The following TCERG1 variants were observed in gnomAD, a reference collection of about 807,000 sequenced individuals.
TCERG1 encodes transcription elongation regulator 1, also known as TATA box binding protein (TBP)-associated factor, RNA polymerase II, S, 150kD.
A neutral mutation model predicts 144.7 loss-of-function variants in TCERG1; 37 were observed. That is an observed-to-expected ratio of 0.26 (90% CI 0.20 to 0.34). The LOEUF (loss-of-function observed/expected upper bound fraction) is 0.34, where lower values mean the gene tolerates loss of function less well. Among genes scored for constraint, TCERG1 ranks in the 10% least tolerant of loss-of-function variants. The probability of loss-of-function intolerance (pLI) is 1.00; values close to 1 mark genes in which losing one functional copy is unlikely to be tolerated. For synonymous variants in TCERG1, 492 were observed against 458.2 expected (o/e 1.07, Z -0.94); for missense variants, 1,027 against 1,380.7 (o/e 0.74, Z 4.06).
At chr5:146,480,147 T>G (rs1228180918) in intron 12 of TCERG1, 53 bp downstream of exon 12, 1 of 1,398,962 alleles carries the variant, frequency 7.1e-7, no homozygotes, top group African/African-American at 1.4e-5. Context: ...TAAAAGTCGA[T>G]TTGGTAATAA....
chr5:146,466,684 A>G (rs117087044), intron 5 of TCERG1, among the ~76,000 whole-genome samples: 1 of 152,338 alleles, frequency 6.6e-6, no homozygotes, highest in East Asian at 1.9e-4. Flanking sequence ...ACTTCAGTGT[A>G]TCTTTTTAGC....
chr5:146,509,738 T>C (rs1768312210), intron 22 of TCERG1, among the ~76,000 whole-genome samples: 1 of 152,200 alleles, frequency 6.6e-6, no homozygotes, highest in Non-Finnish European at 1.5e-5. Context: ...TTGTAAATTA[T>C]GAAATCAGAG....
intron 1 of TCERG1, among the ~76,000 whole-genome samples, chr5:146,449,541 A>G (rs1762177648): frequency 6.6e-6 from 1 of 152,196 alleles, no homozygotes; most frequent in Non-Finnish European, 1.5e-5. Context: ...ATTTGCCCCC[A>G]TATATCGGTA....
chr5:146,459,277 A>G lies in TCERG1; in HGVS notation c.832A>G (p.Thr278Ala). The G allele has an allele frequency of 6.2e-7, 1 of 1,613,976 alleles. No individual in the cohort carries two copies. Among genetic ancestry groups the G allele is most frequent in the East Asian group, 2.2e-5 (1 of 44,878 alleles). ...PAVSTSTSSS[T>A]PSSTTSTTTT... ...AGTATCCACTTCAACATCATCATCCACCCCTTCCTCTACCACTTCTACCAC... is the reference window on the plus strand; with the variant it reads ...AGTATCCACTTCAACATCATCATCCGCCCCTTCCTCTACCACTTCTACCAC... Residue 278 changes from threonine to alanine, a missense_variant, in exon 4 of 23, where the codon ACC becomes GCC. Thr to Ala is a moderately conservative substitution (Grantham distance 58). This residue lies in a region of TCERG1 where 187 missense variants were observed against 169.1 expected (regional missense o/e 1.11). Transcript: ENST00000679501.
rs368473803 is a variant in TCERG1, at chr5:146,483,606, C to T, written c.2140C>T (p.Leu714Phe). 6.8e-6 allele frequency: 11 copies of T among 1,611,834 alleles called. No individual in the cohort carries two copies. The highest frequency in any genetic ancestry group is 9.3e-6 in the Non-Finnish European group (11 of 1,178,816). The change falls in exon 15 of 23, where the codon CTC becomes TTC. Residue 714 changes from leucine (L) to phenylalanine (F), a missense_variant. By Grantham distance (22) the Leu-to-Phe change is conservative. Coordinates refer to ENST00000679501, the MANE Select transcript of TCERG1 (RefSeq NM_001382548.1). ...KIVFDPRYLL[L>F]NPKERKQVFD... The stretch of plus-strand genomic sequence containing the variant: ...AGTTTTTGATCCCCGGTACTTACTT[C>T]TCAATCCTAAAGAGAGAAAACAGGT...
chr5:146,463,563 A>G lies in TCERG1; in HGVS notation c.905A>G (p.Gln302Arg). 6.2e-7 allele frequency: 1 copy of G among 1,614,218 alleles called. No homozygotes were observed. Among genetic ancestry groups the G allele is most frequent in the Non-Finnish European group, 8.5e-7 (1 of 1,180,030 alleles). Reference protein sequence around the residue: ...VAQTVSTPTTQDQTPSSAVSV... With the variant: ...VAQTVSTPTTRDQTPSSAVSV... ...TATCTTTTATCAGCACCCACAACAC[A>G]AGATCAGACCCCAAGTTCTGCTGTT... Residue 302 changes from glutamine to arginine, a missense_variant, in exon 5 of 23, where the codon CAA (glutamine) becomes CGA (arginine). Gln to Arg is a conservative substitution (Grantham distance 43, BLOSUM62 1). Around this residue, in one of 6 missense-constraint regions of TCERG1, gnomAD observed 187 missense variants for 169.1 expected, o/e 1.11. Transcript: ENST00000679501.
intron 1 of TCERG1, among the ~76,000 whole-genome samples, chr5:146,450,354 C>A (rs1407036606): frequency 1.3e-5 from 2 of 152,094 alleles, no homozygotes; most frequent in East Asian, 1.9e-4. Context: ...AGAACAGGTG[C>A]AGAGGCTTCA....
At chr5:146,456,556 T>C (rs1762853942) in intron 2 of TCERG1, among the ~76,000 whole-genome samples, 1 of 152,180 alleles carries the variant, frequency 6.6e-6, no homozygotes, top group East Asian at 1.9e-4. Context: ...GTGCTGACGC[T>C]TGAAAGATAC....
intron 6 of TCERG1, 70 bp downstream of exon 6, chr5:146,468,473 CT>C: frequency 2.1e-6 from 3 of 1,452,120 alleles, no homozygotes; most frequent in Non-Finnish European, 2.8e-6. Context: ...GTTGTTTATC[CT>C]TTTATTTATT....
chr5:146,462,745 T>C (rs944576607), intron 4 of TCERG1, among the ~76,000 whole-genome samples: 3 of 152,198 alleles, frequency 2.0e-5, no homozygotes, highest in African/African-American at 7.2e-5. Flanking sequence ...TTCCTATGCA[T>C]CTGTGAGGTT....
chr5:146,510,651 A>G lies in TCERG1; in HGVS notation c.*9A>G. The G allele has an allele frequency of 6.2e-7, 1 of 1,609,812 alleles. No individual in the cohort carries two copies. The highest frequency in any genetic ancestry group is 1.1e-5 in the South Asian group (1 of 90,570). Reference sequence around the variant, plus strand: ...GACGATCAACAAAATAATTCTAAATACTCTTCCATAGGGGCATCTATTCAA... The same window carrying G: ...GACGATCAACAAAATAATTCTAAATGCTCTTCCATAGGGGCATCTATTCAA... On this transcript the variant is annotated 3_prime_UTR_variant, in exon 23 of 23. Transcript: ENST00000679501.
In TCERG1 at chr5:146,511,758, T is replaced by G. The variant is rs1004205508; in HGVS notation, c.*1116T>G. On this transcript the variant is annotated 3_prime_UTR_variant, in exon 23 of 23. Transcript: ENST00000679501. ...CTCATAGCAAGAAGATGCTGGGGTTTTTTTTGTTTTTGTCCTTTGTATTAA... is the reference window on the plus strand; with the variant it reads ...CTCATAGCAAGAAGATGCTGGGGTTGTTTTTGTTTTTGTCCTTTGTATTAA... 5 of 152,218 alleles carry G rather than the reference T, an allele frequency of 3.3e-5. No homozygotes were observed. In the East Asian group the frequency reaches 9.6e-4, roughly 29 times the overall value. The allele number at this position is 152,218 out of a possible 1,614,324, so 9.4% of individuals were successfully genotyped here.
chr5:146,454,590 G>T lies in TCERG1; in HGVS notation c.60-466G>T, dbSNP rs187455556. Among the ~76,000 whole-genome samples the T allele has an allele frequency of 5.2e-4, 79 of 150,900 alleles. 1 individual carries two copies. In the Middle Eastern group the frequency reaches 0.01, roughly 19 times the overall value. On this transcript the variant is annotated intron_variant, in intron 1 of 22. Coordinates refer to ENST00000679501, the MANE Select transcript of TCERG1 (RefSeq NM_001382548.1). The stretch of plus-strand genomic sequence containing the variant: ...GTAAGTTTTTTTTTTTGTTTTTTTG[G>T]TTGTTTGTTTGTTTGTTTGTTTTTT...
chr5:146,463,715 A>G lies in TCERG1; in HGVS notation c.1057A>G (p.Thr353Ala). ...AVPHSVPQPT[T>A]AIPAFPPVMV... ...TCCTCATTCAGTACCTCAGCCAACA[A>G]CAGCAATACCTGCTTTTCCACCAGT... is the stretch of plus-strand genomic sequence containing the variant. The change falls in exon 5 of 23, where the codon ACA becomes GCA. Residue 353 changes from threonine (T) to alanine (A), a missense_variant. Thr to Ala is a moderately conservative substitution (Grantham distance 58). This residue lies in a region of TCERG1 where 187 missense variants were observed against 169.1 expected (regional missense o/e 1.11). Transcript: ENST00000679501. 6.2e-7 allele frequency: 1 copy of G among 1,614,178 alleles called. No individual in the cohort carries two copies. Among genetic ancestry groups the G allele is most frequent in the South Asian group, 1.1e-5 (1 of 91,082 alleles).
intron 5 of TCERG1, among the ~76,000 whole-genome samples, chr5:146,467,578 C>T (rs1490211676): frequency 1.1e-4 from 17 of 152,126 alleles, no homozygotes; most frequent in Non-Finnish European, 2.9e-5. Context: ...AGTACTACTT[C>T]TTTAGTTAGC....
At chr5:146,474,688 A>G (rs987168658) in intron 9 of TCERG1, among the ~76,000 whole-genome samples, 2 of 152,210 alleles carry the variant, frequency 1.3e-5, no homozygotes, top group Non-Finnish European at 2.9e-5. Flanking sequence ...CACCAGCCTC[A>G]TGAGTGTTCA....
chr5:146,451,633 T>G (rs1338555006), intron 1 of TCERG1, among the ~76,000 whole-genome samples: 3 of 151,372 alleles, frequency 2.0e-5, no homozygotes, highest in African/African-American at 7.3e-5. Context: ...CGGCCCATAT[T>G]CCTTTTTAAC....
At chr5:146,471,383 C>T in intron 8 of TCERG1, 105 bp from the exon 9 acceptor site, 2 of 953,644 alleles carry the variant, frequency 2.1e-6, no homozygotes, top group Non-Finnish European at 3.1e-6. Flanking sequence ...ATTCTAGCAG[C>T]AGATTTTGTG....
chr5:146,458,871 G>T lies in TCERG1; in HGVS notation c.439-13G>T. On this transcript the variant is annotated splice_polypyrimidine_tract_variant and intron_variant, in intron 3 of 22. Transcript: ENST00000679501. ...AGATTTTATGATACCATTGATTTTT[G>T]CTTCCGCTGCAGGTTTATTATTATA... 1.3e-6 allele frequency: 2 copies of T among 1,578,350 alleles called. No homozygotes were observed. The highest frequency in any genetic ancestry group is 1.2e-5 in the South Asian group (1 of 86,220).
Sources: gnomAD v4.1 joint callset for allele counts (sites outside exome capture counted in the v4.1 genomes callset) on GRCh38, gnomAD v4.1.1 for gene constraint, gnomAD v4.1.1 regional missense constraint, MANE v1.5 for transcripts, NCBI Gene and HGNC (gene_info 2026-07-23, HGNC 2026-07-21) for gene names.